Variants in ELMOD3 observed in about 807,000 individuals in gnomAD.
The protein encoded by ELMOD3 is ELMO domain-containing protein 3.
Under a neutral mutation model 47.4 loss-of-function variants are expected in ELMOD3, and 36 were observed. The ratio of observed to expected loss-of-function variants is 0.76; its 90% CI spans 0.58 to 1.00. The LOEUF (loss-of-function observed/expected upper bound fraction) is 1.00. Ranked by LOEUF, ELMOD3 falls within the 50% of genes least tolerant of loss-of-function variation. The pLI, the probability that ELMOD3 is intolerant of heterozygous loss-of-function variation, is 0.00. For missense variants in ELMOD3, 404 were observed against 463.8 expected (o/e 0.87, Z 1.18); for synonymous variants, 149 against 183.5 (o/e 0.81, Z 1.52).
At chr2:85,363,857 T>G (rs1187367599) in intron 6 of ELMOD3, among the ~76,000 whole-genome samples, 2 of 152,188 alleles carry the variant, frequency 1.3e-5, no homozygotes, top group Admixed American at 6.5e-5. Context: ...GCCCCCATGA[T>G]TCAATTATGT....
At chr2:85,369,363 G>A (rs1684623245) in intron 7 of ELMOD3, among the ~76,000 whole-genome samples, 1 of 152,108 alleles carries the variant, frequency 6.6e-6, no homozygotes, top group Non-Finnish European at 1.5e-5. Context: ...TCCTATACAG[G>A]GTGTAAGAAG....
chr2:85,378,443 A>G (rs1685321475), intron 11 of ELMOD3, among the ~76,000 whole-genome samples: 1 of 152,252 alleles, frequency 6.6e-6, no homozygotes, highest in Non-Finnish European at 1.5e-5. Flanking sequence ...TTAGGGAGAC[A>G]TGAGACATCA....
intron 13 of ELMOD3, 53 bp from the exon 14 acceptor site, chr2:85,390,707 G>T: frequency 6.5e-7 from 1 of 1,541,648 alleles, no homozygotes; most frequent in Non-Finnish European, 8.7e-7. Context: ...CTTGACTGTT[G>T]TGTCACCCAG....
Position 85,368,732 on chromosome 2 carries a change from G to A in ELMOD3, c.246G>A (p.Val82=), listed in dbSNP as rs1684577413. 1 of 1,614,124 alleles carries A rather than the reference G, an allele frequency of 6.2e-7. No homozygotes were observed. Among genetic ancestry groups the A allele is most frequent in the Non-Finnish European group, 8.5e-7 (1 of 1,179,992 alleles). Residue 82 remains valine (V), a synonymous_variant, in exon 7 of 14, where the codon GTG becomes GTA. Coordinates refer to ENST00000409013, the MANE Select transcript of ELMOD3 (RefSeq NM_001135022.2). Reference sequence around the variant, plus strand: ...GAGCCCAAGAAGAATGGGAAGCTGTGGACACCATCCAGCCAGAGACAGGTA... The same window carrying A: ...GAGCCCAAGAAGAATGGGAAGCTGTAGACACCATCCAGCCAGAGACAGGTA... The part of the protein sequence containing the change: ...VVRAQEEWEA[V]DTIQPETGSQ...
Position 85,376,464 on chromosome 2 carries a change from T to G in ELMOD3, c.608-880T>G, listed in dbSNP as rs1573125315. On this transcript the variant is annotated intron_variant, in intron 10 of 13. Coordinates refer to ENST00000409013, the MANE Select transcript of ELMOD3 (RefSeq NM_001135022.2). This position sits in a 1 kb window ranked among gnomAD's most constrained non-coding sequence, Gnocchi z 4.2. ...AGACCAGCCTGGCCAACATGGCTGG[T>G]GGGGCCAGGGGTGCCTCGTTACTCT... 6.6e-6 allele frequency among the ~76,000 whole-genome samples: 1 copy of G among 152,140 alleles called. No individual in the cohort carries two copies. The highest frequency in any genetic ancestry group is 2.4e-5 in the African/African-American group (1 of 41,426).
rs370504354 is a variant in ELMOD3 at position 85,376,434 on chromosome 2, G to A, written c.608-910G>A. Among the ~76,000 whole-genome samples the A allele has an allele frequency of 1.0e-3, 157 of 152,288 alleles. 1 individual carries two copies. The highest frequency in any genetic ancestry group is 3.4e-3 in the African/African-American group (142 of 41,570). The stretch of plus-strand genomic sequence containing the variant: ...CCCACTTGGCTTGCAGTAATACCAA[G>A]TTCAAGACCAGCCTGGCCAACATGG... On this transcript the variant is annotated intron_variant, in intron 10 of 13. Coordinates refer to ENST00000409013, the MANE Select transcript of ELMOD3 (RefSeq NM_001135022.2). This position sits in a 1 kb window ranked among gnomAD's most constrained non-coding sequence, Gnocchi z 4.2.
chr2:85,383,615 C>T (rs114485587), intron 11 of ELMOD3, among the ~76,000 whole-genome samples: 2 of 152,248 alleles, frequency 1.3e-5, no homozygotes, highest in African/African-American at 4.8e-5. Flanking sequence ...TGAGCCACCA[C>T]GCCCAGCCAA....
intron 7 of ELMOD3, among the ~76,000 whole-genome samples, 196 bp downstream of exon 7, chr2:85,368,950 A>G (rs1684593216): frequency 2.0e-5 from 3 of 152,216 alleles, no homozygotes; most frequent in Non-Finnish European, 4.4e-5. Context: ...GGAGGAAACC[A>G]GAGTGAAGGC....
chr2:85,370,482 A>G (rs965605780), intron 8 of ELMOD3, among the ~76,000 whole-genome samples: 1 of 152,112 alleles, frequency 6.6e-6, no homozygotes, highest in Non-Finnish European at 1.5e-5. Context: ...GTTTAGAGAA[A>G]TGTGATTTCA....
chr2:85,371,672 G>T (rs923183810), intron 10 of ELMOD3, 110 bp downstream of exon 10: 3 of 1,492,698 alleles, frequency 2.0e-6, no homozygotes, highest in South Asian at 2.6e-5. Flanking sequence ...TCTTGGGGGA[G>T]TATTCCGGGA....
Position 85,357,001 on chromosome 2 carries a change from C to G in ELMOD3, c.-198C>G. 1 of 477,044 alleles carries G rather than the reference C, an allele frequency of 2.1e-6. No homozygotes were observed. Among genetic ancestry groups the G allele is most frequent in the South Asian group, 3.6e-5 (1 of 27,976 alleles). 29.6% of individuals were successfully genotyped at this position (477,044 alleles called of 1,614,324 possible). On this transcript the variant is annotated 5_prime_UTR_variant, in exon 4 of 14. Transcript: ENST00000409013. ...TTCGAAGACCTCAGAGGACTTCTCT[C>G]AGCACTCACAGAAACCTCCTACACC...
chr2:85,387,363 C>CA (rs919781546), intron 11 of ELMOD3: 10 of 493,792 alleles, frequency 2.0e-5, no homozygotes, highest in African/African-American at 1.7e-4. Context: ...TAAGTGTTGA[C>CA]AAAATCTGTC....
intron 7 of ELMOD3, among the ~76,000 whole-genome samples, chr2:85,368,997 C>A (rs986771695): frequency 6.6e-6 from 1 of 152,202 alleles, no homozygotes; most frequent in South Asian, 2.1e-4. Flanking sequence ...CCATCTTTCA[C>A]CCAGCCATGA....
chr2:85,371,292 C>G, intron 9 of ELMOD3, 83 bp downstream of exon 9: 1 of 1,609,656 alleles, frequency 6.2e-7, no homozygotes. Flanking sequence ...GAGGCTAAGC[C>G]AGGAATATTG....
chr2:85,390,644 C>T, intron 13 of ELMOD3, 116 bp from the exon 14 acceptor site: 2 of 1,486,732 alleles, frequency 1.3e-6, no homozygotes, highest in Non-Finnish European at 1.8e-6. Context: ...CCTTCACTTT[C>T]TCTCCATGGG....
At chr2:85,362,034 A>G (rs1046274367) in intron 4 of ELMOD3, 152 bp from the exon 5 acceptor site, 7 of 607,122 alleles carry the variant, frequency 1.2e-5, no homozygotes, top group African/African-American at 1.9e-5. Flanking sequence ...AACATGTACA[A>G]CAAACCCCTG....
chr2:85,359,732 G>T (rs771124811), intron 4 of ELMOD3, among the ~76,000 whole-genome samples: 93 of 151,960 alleles, frequency 6.1e-4, no homozygotes, highest in Admixed American at 1.2e-3. Flanking sequence ...GCCTGGTGAC[G>T]TTTTTCTGTT....
In ELMOD3 at chr2:85,376,437, C is replaced by G. The variant is rs916829805; in HGVS notation, c.608-907C>G. Reference sequence around the variant, plus strand: ...ACTTGGCTTGCAGTAATACCAAGTTCAAGACCAGCCTGGCCAACATGGCTG... The same window carrying G: ...ACTTGGCTTGCAGTAATACCAAGTTGAAGACCAGCCTGGCCAACATGGCTG... On this transcript the variant is annotated intron_variant, in intron 10 of 13. Coordinates refer to ENST00000409013, the MANE Select transcript of ELMOD3 (RefSeq NM_001135022.2). This position sits in a 1 kb window ranked among gnomAD's most constrained non-coding sequence, Gnocchi z 4.2. Among the ~76,000 whole-genome samples, 1 of 152,164 alleles carries G rather than the reference C, an allele frequency of 6.6e-6. No individual in the cohort carries two copies. Among genetic ancestry groups the G allele is most frequent in the African/African-American group, 2.4e-5 (1 of 41,448 alleles).
chr2:85,368,619 G>T, intron 6 of ELMOD3, 67 bp from the exon 7 acceptor site: 1 of 1,517,522 alleles, frequency 6.6e-7, no homozygotes, highest in South Asian at 1.1e-5. Context: ...AGACAAGGCT[G>T]GGGTCTGCAG....
Sources: gnomAD v4.1 joint callset for allele counts (sites outside exome capture counted in the v4.1 genomes callset) on GRCh38, gnomAD v4.1.1 for gene constraint, Gnocchi (gnomAD v3.1) non-coding constraint, MANE v1.5 for transcripts, NCBI Gene and HGNC (gene_info 2026-07-23, HGNC 2026-07-21) for gene names.